FAM118B: variants seen among roughly 807,000 people sequenced by gnomAD.
FAM118B encodes SIR2 antiphage like 1.
FAM118B carries 24 observed loss-of-function variants against 38.5 expected under a neutral mutation model. The ratio of observed to expected loss-of-function variants is 0.62; its 90% CI spans 0.45 to 0.88. FAM118B has a LOEUF of 0.88. Ranked by LOEUF, FAM118B falls within the 40% of genes least tolerant of loss-of-function variation. The pLI is 0.00. For synonymous variants in FAM118B, 138 were observed against 156.3 expected, an observed-to-expected ratio of 0.88 and a Z score of 0.87; for missense variants, 334 against 420.0, an observed-to-expected ratio of 0.80 and a Z score of 1.79.
Position 126,262,141 on chromosome 11 carries a change from A to G in FAM118B, c.*8A>G. On this transcript the variant is annotated 3_prime_UTR_variant, in exon 9 of 9. Transcript: ENST00000533050. Reference sequence around the variant, plus strand: ...ACAGGCTGTAGTACATGAGCGAGCTAGAGAAATCACCACCGTTTAGACCAA... The same window carrying G: ...ACAGGCTGTAGTACATGAGCGAGCTGGAGAAATCACCACCGTTTAGACCAA... 1 of 1,613,916 alleles carries G rather than the reference A, an allele frequency of 6.2e-7. No individual in the cohort carries two copies. The highest frequency in any genetic ancestry group is 1.1e-5 in the South Asian group (1 of 91,084).
At chr11:126,257,937 T>G (rs1950605442) in intron 7 of FAM118B, among the ~76,000 whole-genome samples, 1 of 152,140 alleles carries the variant, frequency 6.6e-6, no homozygotes, top group African/African-American at 2.4e-5. Flanking sequence ...ACACAAACAT[T>G]TTTGGTATCA....
intron 5 of FAM118B, among the ~76,000 whole-genome samples, chr11:126,251,925 G>A (rs1950509250): frequency 6.6e-6 from 1 of 151,784 alleles, no homozygotes; most frequent in African/African-American, 2.4e-5. Context: ...CAGGTGATCT[G>A]CTAACCTCAG....
chr11:126,230,381 A>C (rs757607097), intron 2 of FAM118B, among the ~76,000 whole-genome samples: 1 of 152,250 alleles, frequency 6.6e-6, no homozygotes, highest in Non-Finnish European at 1.5e-5. Flanking sequence ...GAATTAGTCC[A>C]AGAGCCACAG....
chr11:126,247,896 G>T (rs1364135590), intron 4 of FAM118B, among the ~76,000 whole-genome samples: 3 of 143,148 alleles, frequency 2.1e-5, no homozygotes, highest in South Asian at 2.2e-4. Context: ...TATATATATA[G>T]ATATACGTAT....
intron 4 of FAM118B, among the ~76,000 whole-genome samples, chr11:126,247,923 ATATC>A (rs1195280798): frequency 6.8e-6 from 1 of 147,094 alleles, no homozygotes; most frequent in African/African-American, 2.5e-5. Context: ...ATAGATACGT[ATATC>A]TATATATATA....
chr11:126,256,481 C>G lies in FAM118B; in HGVS notation c.697-86C>G, dbSNP rs560518394. ...GTCTTGCTTAATTGGTCATCACAGT[C>G]TGCTCAACGTAGCATGACCTTCTTG... is the stretch of plus-strand genomic sequence containing the variant. On this transcript the variant is annotated intron_variant, in intron 6 of 8. Coordinates refer to ENST00000533050, the MANE Select transcript of FAM118B (RefSeq NM_024556.4). The surrounding 1 kb of genome is among the most constrained non-coding windows in gnomAD (Gnocchi z 6.6). The G allele has an allele frequency of 3.1e-6, 4 of 1,281,280 alleles. No individual in the cohort carries two copies. The South Asian group carries it at 5.5e-5, about 18-fold the overall frequency. The allele number at this position is 1,281,280 out of a possible 1,614,324, so 79.4% of individuals were successfully genotyped here.
chr11:126,225,435 G>T (rs1950128468), intron 1 of FAM118B, among the ~76,000 whole-genome samples: 1 of 152,202 alleles, frequency 6.6e-6, no homozygotes, highest in African/African-American at 2.4e-5. Context: ...CATCAGCATT[G>T]TCTTGGTTTC....
rs571860196 is a variant in FAM118B at position 126,259,821 on chromosome 11, C to T, written c.983-1604C>T. Among the ~76,000 whole-genome samples the T allele has an allele frequency of 3.3e-5, 5 of 150,284 alleles. No homozygotes were observed. In the East Asian group the frequency reaches 7.9e-4, roughly 24 times the overall value. ...CTGCAAGCTCTGCCTCCTGGGTTCACGCCATTCTCCTGCCTCAGTCTCCCG... is the reference window on the plus strand; with the variant it reads ...CTGCAAGCTCTGCCTCCTGGGTTCATGCCATTCTCCTGCCTCAGTCTCCCG... On this transcript the variant is annotated intron_variant, in intron 7 of 8. Transcript: ENST00000533050.
intron 1 of FAM118B, among the ~76,000 whole-genome samples, chr11:126,225,777 C>T (rs550559645): frequency 1.6e-4 from 24 of 152,130 alleles, no homozygotes; most frequent in Admixed American, 1.1e-3. Flanking sequence ...GTCAGGAGTT[C>T]GAGACCAGCC....
rs527308233 is a variant in FAM118B, at chr11:126,252,343, A to C, written c.567+1610A>C. ...TGACTGTTTACCCCATAGGAATAGT[A>C]ACTTCACTTGGATAGGTATCATGTT... On this transcript the variant is annotated intron_variant, in intron 5 of 8. Coordinates refer to ENST00000533050, the MANE Select transcript of FAM118B (RefSeq NM_024556.4). The surrounding 1 kb of genome is among the most constrained non-coding windows in gnomAD (Gnocchi z 4.7). Among the ~76,000 whole-genome samples the C allele has an allele frequency of 3.9e-5, 6 of 152,340 alleles. No individual in the cohort carries two copies. In the South Asian group the frequency reaches 1.2e-3, roughly 32 times the overall value.
chr11:126,223,935 GATTT>G (rs1352098025), intron 1 of FAM118B, among the ~76,000 whole-genome samples: 13 of 152,324 alleles, frequency 8.5e-5, no homozygotes, highest in African/African-American at 1.9e-4. Flanking sequence ...TCTGAATATT[GATTT>G]ATTTGTGTAC....
chr11:126,238,535 A>G (rs1847776468), intron 3 of FAM118B, among the ~76,000 whole-genome samples: 1 of 152,098 alleles, frequency 6.6e-6, no homozygotes. Context: ...AGAGTCTGAA[A>G]AGCTTCCTCT....
At chr11:126,241,871 A>G (rs374076422) in intron 4 of FAM118B, among the ~76,000 whole-genome samples, 15 of 151,704 alleles carry the variant, frequency 9.9e-5, no homozygotes, top group African/African-American at 3.4e-4. Context: ...CTTAAAAATC[A>G]GGCTTCTAGG....
rs577986155 is a variant in FAM118B at position 126,215,539 on chromosome 11, A to G, written c.-77+3709A>G. ...CGGTGAAACCCTGTCTCTACTAAAA[A>G]TACAAAAATTAGCTGGGCGTGGTGG... On this transcript the variant is annotated intron_variant, in intron 1 of 8. Transcript: ENST00000533050. 5.9e-5 allele frequency among the ~76,000 whole-genome samples: 9 copies of G among 152,082 alleles called. No homozygotes were observed. In the East Asian group the frequency reaches 1.5e-3, roughly 26 times the overall value.
intron 4 of FAM118B, among the ~76,000 whole-genome samples, chr11:126,243,778 C>T (rs1200146057): frequency 6.6e-6 from 1 of 151,896 alleles, no homozygotes; most frequent in Non-Finnish European, 1.5e-5. Context: ...GTAGTGCATG[C>T]CTGTAATCCC....
chr11:126,223,669 A>G (rs966919716), intron 1 of FAM118B, among the ~76,000 whole-genome samples: 6 of 152,336 alleles, frequency 3.9e-5, no homozygotes, highest in African/African-American at 1.4e-4. Flanking sequence ...TATGTAAAAT[A>G]AGAGAAACTG....
intron 3 of FAM118B, among the ~76,000 whole-genome samples, chr11:126,239,311 A>G (rs1047993231): frequency 6.6e-6 from 1 of 152,196 alleles, no homozygotes. Flanking sequence ...TCTGTATGTT[A>G]TATAAAAAAA....
At chr11:126,231,037 C>T (rs618176) in intron 2 of FAM118B, among the ~76,000 whole-genome samples, 27,746 of 152,150 alleles carry the variant, frequency 0.18, 2,666 homozygotes, top group South Asian at 0.22. Flanking sequence ...CATTACATTT[C>T]CTGCCAAGCT....
At chr11:126,241,123 A>G in intron 4 of FAM118B, 79 bp downstream of exon 4, 2 of 1,412,324 alleles carry the variant, frequency 1.4e-6, no homozygotes, top group Non-Finnish European at 1.9e-6. Flanking sequence ...TTGGCTGTCA[A>G]AACTAGCATG....
Sources: allele counts gnomAD v4.1 joint callset (sites outside exome capture counted in the v4.1 genomes callset), GRCh38; gene constraint gnomAD v4.1.1; non-coding constraint Gnocchi (gnomAD v3.1); transcripts MANE v1.5; gene names NCBI Gene and HGNC (gene_info 2026-07-23, HGNC 2026-07-21).